Variants in EPHB1 observed in about 807,000 individuals in gnomAD.
EPHB1 encodes the protein ephrin type-B receptor 1.
Under a neutral mutation model 94.4 loss-of-function variants are expected in EPHB1, and 30 were observed. The observed-to-expected ratio is 0.32, with a 90% CI of 0.24 to 0.43. The LOEUF (loss-of-function observed/expected upper bound fraction) is 0.43, where lower values mean the gene tolerates loss of function less well. EPHB1 is among the 20% of genes least tolerant of loss of function. The pLI is 1.00. For missense variants in EPHB1, 1,055 were observed against 1,308.3 expected (o/e 0.81, Z 2.99); for synonymous variants, 522 against 489.1 (o/e 1.07, Z -0.89).
chr3:135,185,188 G>A (rs752525090), intron 10 of EPHB1, among the ~76,000 whole-genome samples: 22 of 152,246 alleles, frequency 1.4e-4, no homozygotes, highest in Non-Finnish European at 2.6e-4. Flanking sequence ...AAAGGGCTGT[G>A]TGAGAATAGT....
In EPHB1 at chr3:134,855,980, G is replaced by A. The variant is rs568241286; in HGVS notation, c.58+60291G>A. 2.1e-4 allele frequency among the ~76,000 whole-genome samples: 32 copies of A among 152,302 alleles called. No individual in the cohort carries two copies. In the South Asian group the frequency reaches 6.2e-3, roughly 30 times the overall value. ...TATTCAAGGTCATGTAGCTACTAAA[G>A]GGTGGAGTCAGGATCCCAAGTCAGG... is the stretch of plus-strand genomic sequence containing the variant. On this transcript the variant is annotated intron_variant, in intron 1 of 15. Transcript: ENST00000398015.
chr3:134,819,420 C>A (rs1332730360), intron 1 of EPHB1, among the ~76,000 whole-genome samples: 5 of 152,174 alleles, frequency 3.3e-5, no homozygotes, highest in Non-Finnish European at 7.3e-5. Flanking sequence ...ACCAGGTTCT[C>A]ATCTCCACTT....
intron 7 of EPHB1, among the ~76,000 whole-genome samples, chr3:135,162,864 C>T (rs931720123): frequency 6.6e-6 from 1 of 152,226 alleles, no homozygotes; most frequent in Admixed American, 6.5e-5. Flanking sequence ...CAGCATTGTG[C>T]TCAAGTGATC....
chr3:134,983,018 G>A (rs553696298), intron 3 of EPHB1, among the ~76,000 whole-genome samples: 1 of 152,292 alleles, frequency 6.6e-6, no homozygotes, highest in South Asian at 2.1e-4. Context: ...GCAATCCCAT[G>A]CTGTTCTTAT....
chr3:134,830,138 A>C (rs889600722), intron 1 of EPHB1, among the ~76,000 whole-genome samples: 1 of 151,902 alleles, frequency 6.6e-6, no homozygotes, highest in Admixed American at 6.6e-5. Flanking sequence ...CGTTGTGCTC[A>C]TTCCTCCCCT....
At chr3:134,960,687 T>A (rs928567884) in intron 3 of EPHB1, among the ~76,000 whole-genome samples, 1 of 152,188 alleles carries the variant, frequency 6.6e-6, no homozygotes, top group African/African-American at 2.4e-5. Flanking sequence ...TTAGCTACAA[T>A]AGGCCCCTGG....
chr3:134,849,823 T>C (rs1288300542), intron 1 of EPHB1, among the ~76,000 whole-genome samples: 1 of 152,220 alleles, frequency 6.6e-6, no homozygotes, highest in Non-Finnish European at 1.5e-5. Flanking sequence ...ACCCCGTTCT[T>C]AGAATCTGGC....
At chr3:135,119,370 C>T (rs1426097015) in intron 4 of EPHB1, among the ~76,000 whole-genome samples, 2 of 152,148 alleles carry the variant, frequency 1.3e-5, no homozygotes, top group African/African-American at 4.8e-5. Flanking sequence ...GTGTCTTGAG[C>T]TTTTGACTAC....
At position 134,935,011 on chromosome 3, in the gene EPHB1, A is replaced by T. The variant is rs2038974023; in HGVS notation, c.123+9131A>T. 2.0e-5 allele frequency among the ~76,000 whole-genome samples: 3 copies of T among 152,088 alleles called. No individual in the cohort carries two copies. In the South Asian group the frequency reaches 6.2e-4, roughly 32 times the overall value. On this transcript the variant is annotated intron_variant, in intron 2 of 15. Coordinates refer to ENST00000398015, the MANE Select transcript of EPHB1 (RefSeq NM_004441.5). ...TCCCCAAGAGGACAGTAGCCCCACT[A>T]CACCCCTTGTCCCAGTCTTGGAAAC...
chr3:135,143,577 C>T (rs1197392265), intron 5 of EPHB1, among the ~76,000 whole-genome samples: 1 of 152,170 alleles, frequency 6.6e-6, no homozygotes, highest in Non-Finnish European at 1.5e-5. Context: ...AGTGGACTGC[C>T]GTTCATGATC....
chr3:134,962,170 C>T (rs1344783993), intron 3 of EPHB1, among the ~76,000 whole-genome samples: 5 of 152,096 alleles, frequency 3.3e-5, no homozygotes, highest in Non-Finnish European at 7.4e-5. Context: ...TTATCTTTGC[C>T]GATCTGAGAG....
At chr3:135,123,554 G>T (rs1940069744) in intron 4 of EPHB1, among the ~76,000 whole-genome samples, 1 of 152,072 alleles carries the variant, frequency 6.6e-6, no homozygotes, top group African/African-American at 2.4e-5. Flanking sequence ...ATGGGACAGG[G>T]AGCCCTTTTG....
At chr3:135,178,224 A>AGGGGGG (rs36017335) in intron 9 of EPHB1, among the ~76,000 whole-genome samples, 147 of 139,410 alleles carry the variant, frequency 1.1e-3, no homozygotes, top group African/African-American at 3.4e-3. Context: ...GAGGCCGGGG[A>AGGGGGG]GGGGGGGTGG....
At chr3:135,238,203 C>T (rs572206329) in intron 12 of EPHB1, among the ~76,000 whole-genome samples, 1 of 152,322 alleles carries the variant, frequency 6.6e-6, no homozygotes, top group South Asian at 2.1e-4. Context: ...CACTCTTGTG[C>T]TCCCCTGACT....
At chr3:134,848,206 A>G (rs766046530) in intron 1 of EPHB1, among the ~76,000 whole-genome samples, 3 of 152,184 alleles carry the variant, frequency 2.0e-5, no homozygotes, top group Admixed American at 6.5e-5. Context: ...GACTGGGACC[A>G]GGGGTTGTCT....
chr3:134,814,774 G>C (rs1042728154), intron 1 of EPHB1, among the ~76,000 whole-genome samples: 1 of 152,244 alleles, frequency 6.6e-6, no homozygotes, highest in Admixed American at 6.5e-5. Flanking sequence ...TGCCATTGCA[G>C]ACGAAGCTTC....
intron 3 of EPHB1, among the ~76,000 whole-genome samples, chr3:135,092,265 G>A (rs557941788): frequency 2.3e-4 from 35 of 152,292 alleles, no homozygotes; most frequent in Non-Finnish European, 4.4e-4. Context: ...TAGCACCCAA[G>A]AAGGATAAAT....
chr3:135,049,224 A>G (rs962322406), intron 3 of EPHB1, among the ~76,000 whole-genome samples: 1 of 152,236 alleles, frequency 6.6e-6, no homozygotes, highest in Non-Finnish European at 1.5e-5. Context: ...TACATCTTTA[A>G]GCCACTTAAT....
chr3:134,979,675 C>T (rs1197498290), intron 3 of EPHB1, among the ~76,000 whole-genome samples: 1 of 151,974 alleles, frequency 6.6e-6, no homozygotes, highest in African/African-American at 2.4e-5. Flanking sequence ...GTGTAGAAAC[C>T]ATATAGATTA....
Sources: allele counts gnomAD v4.1 joint callset (sites outside exome capture counted in the v4.1 genomes callset), GRCh38; gene constraint gnomAD v4.1.1; transcripts MANE v1.5; gene names NCBI Gene and HGNC (gene_info 2026-07-23, HGNC 2026-07-21).